Variants in ARHGAP45 observed in about 807,000 individuals in gnomAD.
The protein encoded by ARHGAP45 is Rho GTPase activating protein 45.
In ARHGAP45, 56 loss-of-function variants were observed where a neutral mutation model predicts 116.1. The ratio of observed to expected loss-of-function variants is 0.48; its 90% CI spans 0.39 to 0.60. The LOEUF (loss-of-function observed/expected upper bound fraction) is 0.60. Among genes scored for constraint, ARHGAP45 ranks in the 20% least tolerant of loss-of-function variants. ARHGAP45 has a pLI of 0.00. For missense variants in ARHGAP45, 1,622 were observed against 1,601.0 expected, an observed-to-expected ratio of 1.01 and a Z score of -0.22; for synonymous variants, 866 against 701.7, an observed-to-expected ratio of 1.23 and a Z score of -3.70.
chr19:1,075,184 G>A (rs2043222046), intron 10 of ARHGAP45, among the ~76,000 whole-genome samples: 1 of 152,018 alleles, frequency 6.6e-6, no homozygotes, highest in Non-Finnish European at 1.5e-5. Flanking sequence ...CCGGGTTGAG[G>A]GAGACTGATG....
chr19:1,074,642 C>T lies in ARHGAP45; in HGVS notation c.1022C>T (p.Ser341Leu). 1.2e-6 allele frequency: 2 copies of T among 1,606,438 alleles called. No homozygotes were observed. Among genetic ancestry groups the T allele is most frequent in the Non-Finnish European group, 8.5e-7 (1 of 1,177,304 alleles). ...EPHMPLLSIYSLALEQDLEFG... is the reference protein window; with the variant it reads ...EPHMPLLSIYLLALEQDLEFG... ...CACATGCCGCTCCTGTCCATCTACT[C>T]GCTGGCCCTGGAGCAGGACCTGGAG... The change falls in exon 9 of 23, where the codon TCG (serine) becomes TTG (leucine). Residue 341 changes from serine to leucine, a missense_variant. This residue lies in a region of ARHGAP45 where 1,334 missense variants were observed against 1,263.8 expected (regional missense o/e 1.06). Transcript: ENST00000313093.
chr19:1,078,136 GTTTT>G lies in ARHGAP45; in HGVS notation c.1374+95_1374+98del, dbSNP rs1333623573. 33 of 578,506 alleles carry G rather than the reference GTTTT, an allele frequency of 5.7e-5. No homozygotes were observed. In the African/African-American group the frequency reaches 1.5e-3, roughly 26 times the overall value. 35.8% of individuals were successfully genotyped at this position (578,506 alleles called of 1,614,324 possible). On this transcript the variant is annotated intron_variant, in intron 11 of 22. Coordinates refer to ENST00000313093, the MANE Select transcript of ARHGAP45 (RefSeq NM_012292.5). The stretch of plus-strand genomic sequence containing the variant: ...TTACTACCTCCAGACCTTTGTTTTT[GTTTT>G]TTTGTTTTTTTGTTTGTTTTTGAGA...
At position 1,080,727 on chromosome 19, in the gene ARHGAP45, C is replaced by T. The variant is rs778966485; in HGVS notation, c.1958C>T (p.Ser653Leu). 18 of 1,613,516 alleles carry T rather than the reference C, an allele frequency of 1.1e-5. No homozygotes were observed. In the East Asian group the frequency reaches 2.4e-4, roughly 22 times the overall value. Residue 653 changes from serine to leucine, a missense_variant, in exon 16 of 23, where the codon TCG (serine) becomes TTG (leucine). Ser to Leu is a moderately radical substitution (Grantham distance 145). Coordinates refer to ENST00000313093, the MANE Select transcript of ARHGAP45 (RefSeq NM_012292.5). ...FERTSSSGTM[S>L]STEELVDPDG... Reference sequence around the variant, plus strand: ...CGGACGTCATCCAGTGGTACCATGTCGTCCACGGAGGAGCTGGTGGACCCA... The same window carrying T: ...CGGACGTCATCCAGTGGTACCATGTTGTCCACGGAGGAGCTGGTGGACCCA...
chr19:1,079,972 G>A lies in ARHGAP45; in HGVS notation c.1557G>A (p.Pro519=), dbSNP rs1340945654. The change falls in exon 13 of 23, where the codon CCG becomes CCA. Residue 519 remains proline (P), a synonymous_variant. Coordinates refer to ENST00000313093, the MANE Select transcript of ARHGAP45 (RefSeq NM_012292.5). ...AGATGATGCATATGCAGACGGCGCCGCTGCCCGTGCACTTCCAGATGCTGT... is the reference window on the plus strand; with the variant it reads ...AGATGATGCATATGCAGACGGCGCCACTGCCCGTGCACTTCCAGATGCTGT... ...YYQMMHMQTA[P]LPVHFQMLCE... is the part of the protein sequence containing the mutation. The A allele has an allele frequency of 5.0e-6, 8 of 1,612,590 alleles. No individual in the cohort carries two copies. Among genetic ancestry groups the A allele is most frequent in the Non-Finnish European group, 6.8e-6 (8 of 1,179,660 alleles).
Position 1,080,217 on chromosome 19 carries a change from C to G in ARHGAP45, c.1704-38C>G, listed in dbSNP as rs763279344. The G allele has an allele frequency of 1.1e-5, 17 of 1,611,142 alleles. No individual in the cohort carries two copies. In the African/African-American group the frequency reaches 1.6e-4, roughly 15 times the overall value. ...CATGAAGATGAAGCTGTCTTGCCCC[C>G]CATCACCTCCCCTCCTTTTCCCGGT... On this transcript the variant is annotated intron_variant, in intron 13 of 22. Transcript: ENST00000313093.
chr19:1,073,784 C>T (rs1285338585), intron 5 of ARHGAP45, 38 bp downstream of exon 5: 1 of 1,557,880 alleles, frequency 6.4e-7, no homozygotes, highest in South Asian at 1.2e-5. Flanking sequence ...TGTCCAGCTT[C>T]TGGAGGCCAG....
Position 1,067,206 on chromosome 19 carries a change from G to A in ARHGAP45, c.-200G>A, listed in dbSNP as rs2043050861. Reference sequence around the variant, plus strand: ...CAGGCTGAGGCCGGGAAGGGTCGGGGGCGAGGCCGCGTCGCCGCCTCCCCG... The same window carrying A: ...CAGGCTGAGGCCGGGAAGGGTCGGGAGCGAGGCCGCGTCGCCGCCTCCCCG... On this transcript the variant is annotated 5_prime_UTR_variant, in exon 1 of 23. Coordinates refer to ENST00000313093, the MANE Select transcript of ARHGAP45 (RefSeq NM_012292.5). The A allele has an allele frequency of 4.0e-5, 54 of 1,354,844 alleles. No homozygotes were observed. Among genetic ancestry groups the A allele is most frequent in the Non-Finnish European group, 4.8e-5 (51 of 1,059,598 alleles). The allele number at this position is 1,354,844 out of a possible 1,614,324, so 83.9% of individuals were successfully genotyped here. A position where few individuals can be genotyped will look rare whatever the true frequency, so the allele number is the denominator to read the frequency against.
intron 22 of ARHGAP45, 112 bp from the exon 23 acceptor site, chr19:1,085,548 C>CCCATCTCTCCTGTCTCTCT: frequency 1.3e-6 from 1 of 756,880 alleles, no homozygotes; most frequent in Non-Finnish European, 2.1e-6. Flanking sequence ...CCTGTCTCTC[C>CCCATCTCTCCTGTCTCTCT]ATCTCTCTCC....
At position 1,085,907 on chromosome 19, in the gene ARHGAP45, G is replaced by A. The variant is rs750875488; in HGVS notation, c.3312G>A (p.Gln1104=). The change falls in exon 23 of 23, where the codon CAG becomes CAA. Residue 1104 remains glutamine (Q), a synonymous_variant. Transcript: ENST00000313093. The part of the protein sequence containing the change: ...AQQLSGFNTN[Q]SNNVLQAPLP... The stretch of plus-strand genomic sequence containing the variant: ...AGCTCTCAGGATTCAACACCAACCA[G>A]TCCAACAACGTGCTGCAGGCCCCAC... 1.9e-6 allele frequency: 3 copies of A among 1,612,976 alleles called. No individual in the cohort carries two copies. Among genetic ancestry groups the A allele is most frequent in the East Asian group, 4.5e-5 (2 of 44,876 alleles).
At chr19:1,082,687 G>A (rs1007026448) in intron 19 of ARHGAP45, 153 bp from the exon 20 acceptor site, 11 of 645,402 alleles carry the variant, frequency 1.7e-5, no homozygotes, top group Non-Finnish European at 2.8e-5. Flanking sequence ...CGCTGGGCTG[G>A]GAAAGGGGAC....
chr19:1,077,888 A>G lies in ARHGAP45; in HGVS notation c.1217A>G (p.Lys406Arg). The G allele has an allele frequency of 6.4e-7, 1 of 1,554,484 alleles. No homozygotes were observed. Among genetic ancestry groups the G allele is most frequent in the Non-Finnish European group, 8.7e-7 (1 of 1,148,754 alleles). ...QEAESNLRKA[K>R]QGYVQRCEDH... ...GCGGAGTCCAACCTGCGCAAGGCCA[A>G]GCAGGGTTACGTGCAGCGCTGCGAG... Residue 406 changes from lysine (K) to arginine (R), a missense_variant, in exon 11 of 23, where the codon AAG becomes AGG. Coordinates refer to ENST00000313093, the MANE Select transcript of ARHGAP45 (RefSeq NM_012292.5).
chr19:1,070,408 G>A (rs955187373), intron 2 of ARHGAP45, among the ~76,000 whole-genome samples: 3 of 136,084 alleles, frequency 2.2e-5, no homozygotes, highest in East Asian at 4.2e-4. Context: ...TCAGCTCACT[G>A]CAACCTCCAC....
chr19:1,080,820 G>A (rs762481147), intron 16 of ARHGAP45, 34 bp downstream of exon 16: 1 of 1,611,596 alleles, frequency 6.2e-7, no homozygotes, highest in Admixed American at 1.7e-5. Context: ...GAGAGAGAGG[G>A]GGGTTTGGAC....
At chr19:1,078,946 C>T (rs1435642479) in intron 11 of ARHGAP45, among the ~76,000 whole-genome samples, 1 of 150,208 alleles carries the variant, frequency 6.7e-6, no homozygotes, top group African/African-American at 2.4e-5. Context: ...TTTGGGAGGC[C>T]GAGGCAGGTG....
Position 1,081,679 on chromosome 19 carries a change from G to A in ARHGAP45, c.2320G>A (p.Val774Met). The stretch of plus-strand genomic sequence containing the variant: ...CGCGGCCCGCAGCGCCCCCGACGGC[G>A]TGCCCTTCATCGTCAAGAAGTGCGT... The part of the protein sequence containing the change: ...SHAARSAPDG[V>M]PFIVKKCVCE... Residue 774 changes from valine (V) to methionine (M), a missense_variant, in exon 18 of 23, where the codon GTG becomes ATG. Transcript: ENST00000313093. 2 of 1,587,378 alleles carry A rather than the reference G, an allele frequency of 1.3e-6. No homozygotes were observed. The highest frequency in any genetic ancestry group is 1.7e-6 in the Non-Finnish European group (2 of 1,167,634).
At chr19:1,076,599 C>G (rs767106277) in intron 10 of ARHGAP45, among the ~76,000 whole-genome samples, 1 of 147,146 alleles carries the variant, frequency 6.8e-6, no homozygotes, top group East Asian at 2.1e-4. Flanking sequence ...TGGGCTCAAG[C>G]GATTCTTCTG....
In ARHGAP45 at chr19:1,071,929, T is replaced by C. The variant is rs1037025259; in HGVS notation, c.422-1220T>C. On this transcript the variant is annotated intron_variant, in intron 2 of 22. Transcript: ENST00000313093. The surrounding 1 kb of genome is among the most constrained non-coding windows in gnomAD (Gnocchi z 4.6). ...GCTGGCCTCTGTCCTCCCGGGTACC[T>C]TTCCCCTCCTACGAATTCCGTGGGT... is the stretch of plus-strand genomic sequence containing the variant. Among the ~76,000 whole-genome samples the C allele has an allele frequency of 6.6e-6, 1 of 152,190 alleles. No homozygotes were observed. Among genetic ancestry groups the C allele is most frequent in the Non-Finnish European group, 1.5e-5 (1 of 68,026 alleles).
In ARHGAP45 at chr19:1,085,624, GTCTGTCTCCCCCCGCCA is replaced by G; in HGVS notation, c.3065-25_3065-9del. ...CCCTTGTCTCTCCTCCATCTCTCCT[GTCTGTCTCCCCCCGCCA>G]TCTGTCTCCCTTTCTTAGAATCCCG... On this transcript the variant is annotated intron_variant, in intron 22 of 22. Coordinates refer to ENST00000313093, the MANE Select transcript of ARHGAP45 (RefSeq NM_012292.5). 1.2e-5 allele frequency: 18 copies of G among 1,455,688 alleles called. No individual in the cohort carries two copies. Among genetic ancestry groups the G allele is most frequent in the Non-Finnish European group, 1.7e-5 (18 of 1,081,222 alleles). The allele number at this position is 1,455,688 out of a possible 1,614,324, so 90.2% of individuals were successfully genotyped here.
intron 19 of ARHGAP45, among the ~76,000 whole-genome samples, chr19:1,082,182 C>G (rs1463108055): frequency 2.4e-5 from 3 of 122,970 alleles, no homozygotes; most frequent in Non-Finnish European, 3.3e-5. Flanking sequence ...AGTTCTGCGC[C>G]GAGGCACGGA....
Sources: gnomAD v4.1 joint callset for allele counts (sites outside exome capture counted in the v4.1 genomes callset) on GRCh38, gnomAD v4.1.1 for gene constraint, gnomAD v4.1.1 regional missense constraint, Gnocchi (gnomAD v3.1) non-coding constraint, MANE v1.5 for transcripts, NCBI Gene and HGNC (gene_info 2026-07-23, HGNC 2026-07-21) for gene names.